DNMT1: variants seen among roughly 807,000 people sequenced by gnomAD.
The protein encoded by DNMT1 is DNA (cytosine-5)-methyltransferase 1.
DNMT1 carries 24 observed loss-of-function variants against 205.3 expected under a neutral mutation model. That is an observed-to-expected ratio of 0.12 (90% CI 0.08 to 0.16). DNMT1 has a LOEUF of 0.16. DNMT1 is among the 10% of genes least tolerant of loss of function. The probability of loss-of-function intolerance (pLI) is 1.00; values close to 1 mark genes in which losing one functional copy is unlikely to be tolerated. For synonymous variants in DNMT1, 817 were observed against 839.8 expected (o/e 0.97, Z 0.47); for missense variants, 1,293 against 2,177.7 (o/e 0.59, Z 8.09).
At chr19:10,193,095 T>C (rs750366688) in intron 1 of DNMT1, among the ~76,000 whole-genome samples, 6 of 152,124 alleles carry the variant, frequency 3.9e-5, no homozygotes, top group Non-Finnish European at 8.8e-5. Flanking sequence ...TGGCTCATAC[T>C]TGTAATCCTA....
At chr19:10,144,805 TCTCGGCTCA>T (rs2089668295) in intron 28 of DNMT1, 10 of 152,204 alleles carry the variant, frequency 6.6e-5, no homozygotes, top group Admixed American at 6.5e-4. Context: ...AGTGGCACAA[TCTCGGCTCA>T]CTGCAACTCC....
At chr19:10,149,050 G>A (rs779011441) in intron 26 of DNMT1, 33 bp from the exon 27 acceptor site, 29 of 1,612,216 alleles carry the variant, frequency 1.8e-5, no homozygotes, top group African/African-American at 2.7e-5. Context: ...CAGGCCAGGC[G>A]CAGTGGCTCA....
At chr19:10,176,046 T>A in intron 6 of DNMT1, among the ~76,000 whole-genome samples, 1 of 152,028 alleles carries the variant, frequency 6.6e-6, no homozygotes, top group East Asian at 1.9e-4. Flanking sequence ...CGGGCACTTG[T>A]AATCCCAGCT....
At chr19:10,168,911 C>T (rs747723385) in intron 9 of DNMT1, among the ~76,000 whole-genome samples, 9 of 152,180 alleles carry the variant, frequency 5.9e-5, no homozygotes, top group Non-Finnish European at 1.2e-4. Context: ...ACTCTTGGCT[C>T]ACTGTAACCT....
chr19:10,179,302 C>T (rs1488057704), intron 5 of DNMT1, among the ~76,000 whole-genome samples: 1 of 151,926 alleles, frequency 6.6e-6, no homozygotes, highest in Admixed American at 6.6e-5. Flanking sequence ...TCTAATGCTG[C>T]AACTTGGTCG....
chr19:10,149,108 A>G (rs1335510180), intron 26 of DNMT1, 91 bp from the exon 27 acceptor site: 27 of 1,552,156 alleles, frequency 1.7e-5, no homozygotes, highest in Non-Finnish European at 2.3e-5. Context: ...TGGATCACCT[A>G]AGGTCAGGAG....
At chr19:10,149,340 AAC>A (rs1424010609) in intron 26 of DNMT1, 111 bp downstream of exon 26, 1 of 1,383,186 alleles carries the variant, frequency 7.2e-7, no homozygotes, top group Non-Finnish European at 1.0e-6. Context: ...CAAAAAAAAA[AAC>A]AAAAAAAAAA....
intron 1 of DNMT1, among the ~76,000 whole-genome samples, chr19:10,188,901 C>T (rs1041660105): frequency 6.6e-6 from 1 of 152,192 alleles, no homozygotes; most frequent in Admixed American, 6.6e-5. Flanking sequence ...CTGAGTCTTA[C>T]AACTACCACC....
In DNMT1 at chr19:10,159,482, T is replaced by C. The variant is rs1225560371; in HGVS notation, c.1280+176A>G. Reference sequence around the variant, plus strand: ...CCTCGGCCTCCCAAAGTGCTAGGATTACAGGCATGAGCCACCGCGCCCAGC... The same window carrying C: ...CCTCGGCCTCCCAAAGTGCTAGGATCACAGGCATGAGCCACCGCGCCCAGC... On this transcript the variant is annotated intron_variant, in intron 17 of 40. Transcript: ENST00000359526. The surrounding 1 kb of genome is among the most constrained non-coding windows in gnomAD (Gnocchi z 5.0). 6.6e-6 allele frequency among the ~76,000 whole-genome samples: 1 copy of C among 152,154 alleles called. No individual in the cohort carries two copies. Among genetic ancestry groups the C allele is most frequent in the Non-Finnish European group, 1.5e-5 (1 of 68,028 alleles).
chr19:10,177,565 A>G (rs2038959472), intron 5 of DNMT1, among the ~76,000 whole-genome samples, 198 bp from the exon 6 acceptor site: 1 of 152,142 alleles, frequency 6.6e-6, no homozygotes, highest in Admixed American at 6.6e-5. Context: ...TTGTTGAGCC[A>G]TATCATGTCA....
At chr19:10,170,278 C>G (rs1475853434) in intron 9 of DNMT1, among the ~76,000 whole-genome samples, 1 of 151,890 alleles carries the variant, frequency 6.6e-6, no homozygotes, top group African/African-American at 2.4e-5. Flanking sequence ...GAGCAAAATT[C>G]CATCTCAATT....
chr19:10,136,956 AC>A, intron 37 of DNMT1, 128 bp downstream of exon 37: 1 of 1,272,848 alleles, frequency 7.9e-7, no homozygotes, highest in East Asian at 2.5e-5. Context: ...GTCAGCAGCT[AC>A]CTTCTCTGGG....
chr19:10,175,599 G>T lies in DNMT1; in HGVS notation c.589C>A (p.Gln197Lys). Reference sequence around the variant, plus strand: ...GATTTGGCTCTTTCAGACTCTTCCTGAGGTTTCCGTTTGGCAGGGCTGTCA... The same window carrying T: ...GATTTGGCTCTTTCAGACTCTTCCTTAGGTTTCCGTTTGGCAGGGCTGTCA... ...FAKGPAKRKP[Q>K]EESERAKSDE... Residue 197 changes from glutamine to lysine, a missense_variant, in exon 7 of 41, where the codon CAG becomes AAG. Coordinates refer to ENST00000359526, the MANE Select transcript of DNMT1 (RefSeq NM_001130823.3). 1.2e-6 allele frequency: 2 copies of T among 1,614,070 alleles called. No homozygotes were observed. Among genetic ancestry groups the T allele is most frequent in the South Asian group, 2.2e-5 (2 of 91,076 alleles).
At chr19:10,194,727 A>C in intron 1 of DNMT1, 93 bp downstream of exon 1, 3 of 1,472,722 alleles carry the variant, frequency 2.0e-6, no homozygotes, top group Non-Finnish European at 2.7e-6. Context: ...CCCGTCTGTC[A>C]GCAGCGGCCA....
At chr19:10,166,553 G>A (rs371841834) in intron 11 of DNMT1, 45 bp downstream of exon 11, 83 of 1,611,086 alleles carry the variant, frequency 5.2e-5, no homozygotes, top group Non-Finnish European at 6.5e-5. Flanking sequence ...GCAAACAGGA[G>A]CAGAAGAATG....
chr19:10,168,477 G>C, intron 9 of DNMT1, 113 bp from the exon 10 acceptor site: 1 of 1,108,182 alleles, frequency 9.0e-7, no homozygotes, highest in East Asian at 2.5e-5. Context: ...CCACTGGTGG[G>C]AGTAAAGACT....
chr19:10,135,309 T>G, intron 39 of DNMT1: 1 of 186,066 alleles, frequency 5.4e-6, no homozygotes, highest in South Asian at 1.0e-4. Flanking sequence ...TGGACACTGG[T>G]TTTTAAGCAA....
rs1299212888 is a variant in DNMT1 at position 10,135,819 on chromosome 19, C to T, written c.4690G>A (p.Val1564Met). 1 of 1,568,228 alleles carries T rather than the reference C, an allele frequency of 6.4e-7. No individual in the cohort carries two copies. The highest frequency in any genetic ancestry group is 8.6e-7 in the Non-Finnish European group (1 of 1,158,724). ...RVLHPEQHRVVSVRECARSQG... is the reference protein window; with the variant it reads ...RVLHPEQHRVMSVRECARSQG... ...GAGCGGGCACACTCCCGCACGCTCA[C>T]CACACGGTGCTGCTCTGGGTGGAGC... The change falls in exon 39 of 41, where the codon GTG (valine) becomes ATG (methionine). Residue 1564 changes from valine to methionine, a missense_variant. Val to Met is a conservative substitution (Grantham distance 21). Around this residue, in one of 13 missense-constraint regions of DNMT1, gnomAD observed 24 missense variants for 58.0 expected, o/e 0.41. Coordinates refer to ENST00000359526, the MANE Select transcript of DNMT1 (RefSeq NM_001130823.3).
At chr19:10,158,399 GCC>G (rs1348405641) in intron 17 of DNMT1, among the ~76,000 whole-genome samples, 2 of 152,218 alleles carry the variant, frequency 1.3e-5, no homozygotes, top group Admixed American at 1.3e-4. Flanking sequence ...ACGTGTGGGT[GCC>G]CTCCCAGTGG....
Sources: gnomAD v4.1 joint callset for allele counts (sites outside exome capture counted in the v4.1 genomes callset) on GRCh38, gnomAD v4.1.1 for gene constraint, gnomAD v4.1.1 regional missense constraint, Gnocchi (gnomAD v3.1) non-coding constraint, MANE v1.5 for transcripts, NCBI Gene and HGNC (gene_info 2026-07-23, HGNC 2026-07-21) for gene names.